RBFOX1: variants seen among roughly 807,000 people sequenced by gnomAD.
RBFOX1 encodes RNA binding protein fox-1 homolog 1.
RBFOX1 carries 8 observed loss-of-function variants against 57.7 expected under a neutral mutation model. That is an observed-to-expected ratio of 0.14 (90% CI 0.08 to 0.25). RBFOX1 has a LOEUF of 0.25. Ranked by LOEUF, RBFOX1 falls within the 10% of genes least tolerant of loss-of-function variation. RBFOX1 has a pLI of 1.00. For synonymous variants in RBFOX1, 326 were observed against 222.4 expected, an observed-to-expected ratio of 1.47 and a Z score of -4.15; for missense variants, 611 against 548.5, an observed-to-expected ratio of 1.11 and a Z score of -1.14.
intron 3 of RBFOX1, among the ~76,000 whole-genome samples, chr16:5,754,156 T>C (rs973202183): frequency 2.0e-5 from 3 of 152,306 alleles, no homozygotes; most frequent in African/African-American, 7.2e-5. Flanking sequence ...GCATAATACA[T>C]TTGTTAAAAG....
At chr16:7,118,387 A>C (rs956410279) in intron 4 of RBFOX1, among the ~76,000 whole-genome samples, 3 of 151,962 alleles carry the variant, frequency 2.0e-5, no homozygotes, top group Admixed American at 6.6e-5. Context: ...GGCTATTCTC[A>C]TCTTCTGAGA....
At chr16:5,931,008 G>C (rs1442613609) in intron 4 of RBFOX1, among the ~76,000 whole-genome samples, 1 of 151,992 alleles carries the variant, frequency 6.6e-6, no homozygotes, top group African/African-American at 2.4e-5. Flanking sequence ...GTGGGAGGGT[G>C]GTTGAATGGA....
At chr16:6,658,602 T>C (rs2098677958) in intron 3 of RBFOX1, among the ~76,000 whole-genome samples, 1 of 152,146 alleles carries the variant, frequency 6.6e-6, no homozygotes, top group Admixed American at 6.5e-5. Context: ...ATAAAAGAAT[T>C]TTTATCCTCT....
chr16:6,450,831 A>G lies in RBFOX1; in HGVS notation c.-64+133774A>G, dbSNP rs1304346560. Among the ~76,000 whole-genome samples the G allele has an allele frequency of 5.5e-4, 19 of 34,490 alleles. 1 individual carries two copies. Among genetic ancestry groups the G allele is most frequent in the African/African-American group, 1.6e-3 (11 of 6,748 alleles). 22.6% of individuals were successfully genotyped at this position (34,490 alleles called of 152,430 possible). A position where few individuals can be genotyped will look rare whatever the true frequency, so the allele number is the denominator to read the frequency against. Reference sequence around the variant, plus strand: ...TATATATATATACATATATATATATATATATGTGTATATATATATATATAT... The same window carrying G: ...TATATATATATACATATATATATATGTATATGTGTATATATATATATATAT... On this transcript the variant is annotated intron_variant, in intron 2 of 15. Transcript: ENST00000550418.
chr16:7,669,621 G>A (rs903869431), intron 13 of RBFOX1, among the ~76,000 whole-genome samples: 1 of 151,944 alleles, frequency 6.6e-6, no homozygotes, highest in Non-Finnish European at 1.5e-5. Context: ...TGTATAACAA[G>A]TTTCTGGTTA....
chr16:5,261,154 G>A, intron 1 of RBFOX1: 1 of 152,208 alleles, frequency 6.6e-6, no homozygotes, highest in Non-Finnish European at 1.5e-5. Context: ...AAGGGCATTA[G>A]CACGTCTACT....
intron 4 of RBFOX1, among the ~76,000 whole-genome samples, chr16:6,008,610 G>A (rs1181510851): frequency 6.6e-6 from 1 of 152,152 alleles, no homozygotes; most frequent in Non-Finnish European, 1.5e-5. Flanking sequence ...TTCAGCATGT[G>A]TATATCCTGA....
At chr16:7,536,573 A>G (rs568282311) in intron 5 of RBFOX1, among the ~76,000 whole-genome samples, 8 of 152,318 alleles carry the variant, frequency 5.3e-5, no homozygotes, top group African/African-American at 1.9e-4. Context: ...CAGCCTGGGC[A>G]ACACAGTGAG....
At chr16:6,216,268 C>A (rs539302078) in intron 1 of RBFOX1, among the ~76,000 whole-genome samples, 2 of 151,940 alleles carry the variant, frequency 1.3e-5, no homozygotes, top group African/African-American at 4.8e-5. Flanking sequence ...GCACATATAC[C>A]CCTGAACGTA....
At chr16:7,578,578 C>T (rs753752684) in intron 5 of RBFOX1, among the ~76,000 whole-genome samples, 4 of 152,102 alleles carry the variant, frequency 2.6e-5, no homozygotes, top group Admixed American at 6.6e-5. Flanking sequence ...TTCTCTCGGT[C>T]GTTATTATTT....
chr16:5,913,315 T>C (rs2058642847), intron 4 of RBFOX1, among the ~76,000 whole-genome samples: 1 of 152,168 alleles, frequency 6.6e-6, no homozygotes, highest in Non-Finnish European at 1.5e-5. Flanking sequence ...ATGATTTGAA[T>C]ATTCATCCCC....
rs545245063 is a variant in RBFOX1, at chr16:7,227,758, G to C, written c.27+175660G>C. ...CGCAGCACCTGGCCTAGGCACCCTG[G>C]AATCTCTCCCTTCCTGTGGCAGACA... is the stretch of plus-strand genomic sequence containing the variant. On this transcript the variant is annotated intron_variant, in intron 4 of 15. Transcript: ENST00000550418. Among the ~76,000 whole-genome samples the C allele has an allele frequency of 2.0e-5, 3 of 152,282 alleles. No homozygotes were observed. The South Asian group carries it at 6.2e-4, about 32-fold the overall frequency.
chr16:5,826,717 T>G (rs1003890004), intron 3 of RBFOX1, among the ~76,000 whole-genome samples: 2 of 152,274 alleles, frequency 1.3e-5, no homozygotes, highest in African/African-American at 4.8e-5. Flanking sequence ...ACATATTAAT[T>G]AAAATCACAT....
At chr16:6,512,562 C>G (rs562154850) in intron 2 of RBFOX1, among the ~76,000 whole-genome samples, 4 of 152,248 alleles carry the variant, frequency 2.6e-5, no homozygotes, top group East Asian at 3.9e-4. Flanking sequence ...ACACAAGAGC[C>G]TCTTTTTAGT....
At chr16:6,718,082 C>T (rs536633981) in intron 3 of RBFOX1, among the ~76,000 whole-genome samples, 1 of 152,298 alleles carries the variant, frequency 6.6e-6, no homozygotes, top group South Asian at 2.1e-4. Flanking sequence ...ATTTTAGAGC[C>T]AGTGGCTACT....
chr16:5,700,712 T>C (rs2051017904), intron 3 of RBFOX1, among the ~76,000 whole-genome samples: 2 of 152,196 alleles, frequency 1.3e-5, no homozygotes, highest in African/African-American at 4.8e-5. Context: ...ATTAGATGCA[T>C]GTTAGAGCTT....
chr16:7,053,258 A>G (rs974033704), intron 4 of RBFOX1, among the ~76,000 whole-genome samples: 2 of 152,082 alleles, frequency 1.3e-5, no homozygotes, highest in Non-Finnish European at 2.9e-5. Context: ...TTTTATGCAT[A>G]TTTGTTTTAT....
chr16:5,329,905 T>G (rs1452716026), intron 1 of RBFOX1, among the ~76,000 whole-genome samples: 2 of 150,834 alleles, frequency 1.3e-5, no homozygotes, highest in Non-Finnish European at 2.9e-5. Context: ...ATGGCGTGAA[T>G]CCGGGAGGTG....
intron 4 of RBFOX1, among the ~76,000 whole-genome samples, chr16:7,456,789 C>A (rs1418812444): frequency 6.6e-6 from 1 of 152,154 alleles, no homozygotes; most frequent in Non-Finnish European, 1.5e-5. Context: ...AGGAGGCAGT[C>A]TACTCCAAGC....
Sources: allele counts gnomAD v4.1 joint callset (sites outside exome capture counted in the v4.1 genomes callset), GRCh38; gene constraint gnomAD v4.1.1; transcripts MANE v1.5; gene names NCBI Gene and HGNC (gene_info 2026-07-23, HGNC 2026-07-21).